Variants in B3GALT1 observed in about 807,000 individuals in gnomAD.
The protein encoded by B3GALT1 is UDP-Gal:betaGlcNAc beta 1,3-galactosyltransferase, polypeptide 1.
B3GALT1 carries 10 observed loss-of-function variants against 23.2 expected under a neutral mutation model. That is an observed-to-expected ratio of 0.43 (90% CI 0.27 to 0.73). The LOEUF (loss-of-function observed/expected upper bound fraction) is 0.73. Ranked by LOEUF, B3GALT1 falls within the 30% of genes least tolerant of loss-of-function variation. The pLI is 0.21. For synonymous variants in B3GALT1, 156 were observed against 141.5 expected, an observed-to-expected ratio of 1.10 and a Z score of -0.73; for missense variants, 299 against 405.4, an observed-to-expected ratio of 0.74 and a Z score of 2.25.
intron 4 of B3GALT1, among the ~76,000 whole-genome samples, chr2:167,819,506 C>T (rs754867593): frequency 7.2e-5 from 11 of 152,162 alleles, no homozygotes; most frequent in Non-Finnish European, 1.2e-4. Context: ...GCAGCCTATC[C>T]GGACTGTGAT....
intron 3 of B3GALT1, chr2:167,716,102 C>A (rs965020093): frequency 6.6e-7 from 1 of 1,518,514 alleles, no homozygotes; most frequent in Non-Finnish European, 9.1e-7. Flanking sequence ...GCAGTTAACA[C>A]TGGCCACAAC....
In B3GALT1 at chr2:167,516,950, G is replaced by GTATA. The variant is rs779431606; in HGVS notation, c.-410+26691_-410+26694dup. ...ATGACATATAAGTACTTCTGTGTGT[G>GTATA]TATATATATATATATATATATGACA... On this transcript the variant is annotated intron_variant, in intron 2 of 4. Transcript: ENST00000392690. Among the ~76,000 whole-genome samples, 679 of 93,288 alleles carry GTATA rather than the reference G, an allele frequency of 7.3e-3. 3 individuals are homozygous for GTATA. The highest frequency in any genetic ancestry group is 0.017 in the African/African-American group (217 of 12,722). 61.2% of individuals were successfully genotyped at this position (93,288 alleles called of 152,430 possible). A position where few individuals can be genotyped will look rare whatever the true frequency, so the allele number is the denominator to read the frequency against.
At chr2:167,354,382 C>T (rs1236201155) in intron 1 of B3GALT1, among the ~76,000 whole-genome samples, 14 of 140,620 alleles carry the variant, frequency 1.0e-4, no homozygotes, top group African/African-American at 3.7e-4. Flanking sequence ...GAGTCTCACT[C>T]TGTTGCCAGG....
chr2:167,518,922 A>G (rs139914081), intron 2 of B3GALT1, among the ~76,000 whole-genome samples: 4 of 152,300 alleles, frequency 2.6e-5, no homozygotes, highest in East Asian at 3.9e-4. Flanking sequence ...TGATTCCTGT[A>G]TAAGGCAATT....
chr2:167,622,553 G>T (rs1167871189), intron 2 of B3GALT1, among the ~76,000 whole-genome samples: 1 of 151,984 alleles, frequency 6.6e-6, no homozygotes, highest in Non-Finnish European at 1.5e-5. Context: ...AAGACATTTT[G>T]GGTTGAGTCT....
At chr2:167,627,478 A>C (rs573032412) in intron 2 of B3GALT1, among the ~76,000 whole-genome samples, 1 of 151,856 alleles carries the variant, frequency 6.6e-6, no homozygotes, top group East Asian at 1.9e-4. Flanking sequence ...TTTGAGATTC[A>C]TCCACGTTGC....
intron 1 of B3GALT1, among the ~76,000 whole-genome samples, chr2:167,351,206 T>A (rs1312373842): frequency 6.6e-6 from 1 of 150,564 alleles, no homozygotes; most frequent in Non-Finnish European, 1.5e-5. Context: ...AAAGCGGAGG[T>A]TGCAGTGAGC....
chr2:167,720,914 A>G (rs542499492), intron 3 of B3GALT1, among the ~76,000 whole-genome samples: 1 of 152,324 alleles, frequency 6.6e-6, no homozygotes, highest in East Asian at 1.9e-4. Flanking sequence ...GGTACAAAAG[A>G]TGCATTGGGA....
chr2:167,393,035 C>T (rs993656959), intron 1 of B3GALT1, among the ~76,000 whole-genome samples: 6 of 151,994 alleles, frequency 3.9e-5, no homozygotes, highest in Admixed American at 6.6e-5. Context: ...CAGATCAAGA[C>T]CATCCTGGCT....
At chr2:167,317,267 C>T (rs1240480975) in intron 1 of B3GALT1, among the ~76,000 whole-genome samples, 1 of 152,104 alleles carries the variant, frequency 6.6e-6, no homozygotes, top group African/African-American at 2.4e-5. Flanking sequence ...ATAATCAGCT[C>T]AGCCACTGGC....
At chr2:167,773,204 T>C (rs1256237233) in intron 3 of B3GALT1, among the ~76,000 whole-genome samples, 1 of 152,188 alleles carries the variant, frequency 6.6e-6, no homozygotes, top group Admixed American at 6.6e-5. Context: ...TTAGAATGAA[T>C]TTTAGAACGA....
intron 1 of B3GALT1, among the ~76,000 whole-genome samples, chr2:167,297,615 C>T (rs955647904): frequency 1.3e-4 from 19 of 151,858 alleles, no homozygotes; most frequent in African/African-American, 4.3e-4. Context: ...TTCTTTTATG[C>T]AAAAAAAGCT....
intron 3 of B3GALT1, among the ~76,000 whole-genome samples, chr2:167,799,432 C>T (rs1478639879): frequency 1.3e-5 from 2 of 152,128 alleles, no homozygotes; most frequent in East Asian, 1.9e-4. Flanking sequence ...TACGTGAGAA[C>T]ATTGCAGTAG....
At position 167,293,105 on chromosome 2, in the gene B3GALT1, T is replaced by C. The variant is rs546965326; in HGVS notation, c.-740T>C. ...AGCTCGCGCGGGCGCCGCCGCCGCC[T>C]CTGCTGCTGCCCACCCCGCCGCGCC... On this transcript the variant is annotated 5_prime_UTR_variant, in exon 1 of 5. Coordinates refer to ENST00000392690, the MANE Select transcript of B3GALT1 (RefSeq NM_020981.4). 6 of 151,166 alleles carry C rather than the reference T, an allele frequency of 4.0e-5. No individual in the cohort carries two copies. Among genetic ancestry groups the C allele is most frequent in the Non-Finnish European group, 8.9e-5 (6 of 67,702 alleles). 9.4% of individuals were successfully genotyped at this position (151,166 alleles called of 1,614,324 possible). A position where few individuals can be genotyped will look rare whatever the true frequency, so the allele number is the denominator to read the frequency against.
At chr2:167,539,833 T>A (rs544588802) in intron 2 of B3GALT1, among the ~76,000 whole-genome samples, 11 of 152,226 alleles carry the variant, frequency 7.2e-5, no homozygotes, top group African/African-American at 2.2e-4. Context: ...ATATAATTTT[T>A]AATTTAATTT....
Position 167,628,595 on chromosome 2 carries a change from A to G in B3GALT1, c.-409-18314A>G, listed in dbSNP as rs145288398. Among the ~76,000 whole-genome samples the G allele has an allele frequency of 2.2e-3, 331 of 151,922 alleles. 13 individuals carry two copies. The East Asian group carries it at 0.053, about 24-fold the overall frequency. ...AAAGATAAGCAAGCTAGTGGATTTAATAATTCTCATTTTTAAATCAGTGGT... is the reference window on the plus strand; with the variant it reads ...AAAGATAAGCAAGCTAGTGGATTTAGTAATTCTCATTTTTAAATCAGTGGT... On this transcript the variant is annotated intron_variant, in intron 2 of 4. Coordinates refer to ENST00000392690, the MANE Select transcript of B3GALT1 (RefSeq NM_020981.4).
chr2:167,494,607 A>G (rs575375358), intron 2 of B3GALT1, among the ~76,000 whole-genome samples: 2 of 152,268 alleles, frequency 1.3e-5, no homozygotes, highest in South Asian at 2.1e-4. Flanking sequence ...TAATTCTAAA[A>G]TTTTCCTAGA....
intron 1 of B3GALT1, among the ~76,000 whole-genome samples, chr2:167,314,209 A>T (rs1329817835): frequency 6.6e-6 from 1 of 152,128 alleles, no homozygotes; most frequent in Non-Finnish European, 1.5e-5. Context: ...TAAAAAAAAA[A>T]GTTTGGGAAA....
chr2:167,473,260 A>ATT (rs1699443509), intron 1 of B3GALT1, among the ~76,000 whole-genome samples: 1 of 152,142 alleles, frequency 6.6e-6, no homozygotes, highest in Admixed American at 6.6e-5. Flanking sequence ...ATTAGAATCA[A>ATT]CCTGGGAAGA....
Sources: gnomAD v4.1 joint callset for allele counts (sites outside exome capture counted in the v4.1 genomes callset) on GRCh38, gnomAD v4.1.1 for gene constraint, MANE v1.5 for transcripts, NCBI Gene and HGNC (gene_info 2026-07-23, HGNC 2026-07-21) for gene names.